B3GALT1: variants seen among roughly 807,000 people sequenced by gnomAD.
B3GALT1 encodes beta-1,3-galactosyltransferase 1, also known as UDP-Gal:betaGlcNAc beta 1,3-galactosyltransferase, polypeptide 1.
In B3GALT1, 10 loss-of-function variants were observed where a neutral mutation model predicts 23.2. The ratio of observed to expected loss-of-function variants is 0.43; its 90% CI spans 0.27 to 0.73. The LOEUF is 0.73. Among genes scored for constraint, B3GALT1 ranks in the 30% least tolerant of loss-of-function variants. B3GALT1 has a pLI of 0.21. For missense variants in B3GALT1, 299 were observed against 405.4 expected, an observed-to-expected ratio of 0.74 and a Z score of 2.25; for synonymous variants, 156 against 141.5, an observed-to-expected ratio of 1.10 and a Z score of -0.73.
chr2:167,749,275 A>G (rs529385843), intron 3 of B3GALT1, among the ~76,000 whole-genome samples: 4 of 152,316 alleles, frequency 2.6e-5, no homozygotes, highest in Non-Finnish European at 4.4e-5. Flanking sequence ...GGTAACACTC[A>G]GGGAACTTTT....
chr2:167,560,926 G>A (rs1044844547), intron 2 of B3GALT1, among the ~76,000 whole-genome samples: 94 of 151,678 alleles, frequency 6.2e-4, no homozygotes, highest in African/African-American at 2.1e-3. Context: ...GGATACCCAG[G>A]AATTGAACTC....
chr2:167,534,616 G>T (rs1253173939), intron 2 of B3GALT1, among the ~76,000 whole-genome samples: 1 of 152,164 alleles, frequency 6.6e-6, no homozygotes, highest in African/African-American at 2.4e-5. Flanking sequence ...GCATCAAAAA[G>T]AGATCCCAAG....
intron 1 of B3GALT1, among the ~76,000 whole-genome samples, chr2:167,436,941 T>A (rs898016211): frequency 1.3e-5 from 2 of 152,206 alleles, no homozygotes; most frequent in Non-Finnish European, 2.9e-5. Context: ...AATGGGCAGC[T>A]GAGATATGTT....
In B3GALT1 at chr2:167,548,076, A is replaced by G. The variant is rs375257835; in HGVS notation, c.-410+57799A>G. 3.3e-5 allele frequency among the ~76,000 whole-genome samples: 5 copies of G among 152,326 alleles called. No homozygotes were observed. The East Asian group carries it at 9.6e-4, about 29-fold the overall frequency. ...TAAAGTCACTGGGCCCAGCTTCACC[A>G]GTCTGCTTTTACTCATGATAGAATT... On this transcript the variant is annotated intron_variant, in intron 2 of 4. Transcript: ENST00000392690.
At chr2:167,379,068 GT>G (rs767378524) in intron 1 of B3GALT1, among the ~76,000 whole-genome samples, 2 of 152,134 alleles carry the variant, frequency 1.3e-5, no homozygotes, top group Non-Finnish European at 2.9e-5. Context: ...AAGGAGAAAG[GT>G]TTAATTGACT....
chr2:167,710,926 A>G (rs1395480390), intron 3 of B3GALT1, among the ~76,000 whole-genome samples: 3 of 152,100 alleles, frequency 2.0e-5, no homozygotes, highest in Non-Finnish European at 2.9e-5. Context: ...CAATCTTTCA[A>G]GTGGATCAGA....
intron 2 of B3GALT1, among the ~76,000 whole-genome samples, chr2:167,515,940 C>A (rs1217521280): frequency 6.6e-6 from 1 of 152,090 alleles, no homozygotes; most frequent in African/African-American, 2.4e-5. Context: ...CCTAAATTTT[C>A]TAGGCCTATC....
At chr2:167,532,435 A>C (rs1683341217) in intron 2 of B3GALT1, among the ~76,000 whole-genome samples, 1 of 152,166 alleles carries the variant, frequency 6.6e-6, no homozygotes, top group Non-Finnish European at 1.5e-5. Flanking sequence ...TTATACATAG[A>C]TTCATTTTCT....
chr2:167,564,513 G>T (rs1025946883), intron 2 of B3GALT1, among the ~76,000 whole-genome samples: 1 of 152,158 alleles, frequency 6.6e-6, no homozygotes, highest in African/African-American at 2.4e-5. Flanking sequence ...AAGGCAGGAC[G>T]CCGGGAGGTG....
chr2:167,589,151 G>A (rs1574155071), intron 2 of B3GALT1, among the ~76,000 whole-genome samples: 1 of 151,948 alleles, frequency 6.6e-6, no homozygotes, highest in South Asian at 2.1e-4. Flanking sequence ...TCCTTATATT[G>A]CCCAGGTTGG....
chr2:167,352,322 A>T (rs4667532), intron 1 of B3GALT1, among the ~76,000 whole-genome samples: 123,231 of 147,626 alleles, frequency 0.83, 52,088 homozygotes, highest in East Asian at 0.95. Context: ...TTCTCTGCAT[A>T]ATCAATTTAT....
At position 167,714,573 on chromosome 2, in the gene B3GALT1, A is replaced by G. The variant is rs201555981; in HGVS notation, c.-352+67607A>G. ...TCAAGTGCATTAGGATCTTTTTCTAAAAGTTCAGATTTAAACTCTGTTTCA... is the reference window on the plus strand; with the variant it reads ...TCAAGTGCATTAGGATCTTTTTCTAGAAGTTCAGATTTAAACTCTGTTTCA... On this transcript the variant is annotated intron_variant, in intron 3 of 4. Transcript: ENST00000392690. The G allele has an allele frequency of 2.5e-4, 397 of 1,613,552 alleles. 2 individuals are homozygous for G. In the South Asian group the frequency reaches 2.9e-3, roughly 12 times the overall value.
chr2:167,863,632 T>TA (rs1690149286), intron 4 of B3GALT1, among the ~76,000 whole-genome samples: 1 of 152,236 alleles, frequency 6.6e-6, no homozygotes, highest in African/African-American at 2.4e-5. Flanking sequence ...AATGAATCTT[T>TA]AGAGTTCCGT....
chr2:167,351,722 A>G (rs540938183), intron 1 of B3GALT1, among the ~76,000 whole-genome samples: 4 of 152,308 alleles, frequency 2.6e-5, no homozygotes, highest in Non-Finnish European at 5.9e-5. Context: ...ACATTTGGAA[A>G]ATATGAAATG....
At chr2:167,812,280 A>C (rs909029974) in intron 3 of B3GALT1, among the ~76,000 whole-genome samples, 1 of 152,262 alleles carries the variant, frequency 6.6e-6, no homozygotes, top group African/African-American at 2.4e-5. Context: ...GACTCAGTCA[A>C]TATGTAAACT....
chr2:167,539,400 A>G (rs895603257), intron 2 of B3GALT1, among the ~76,000 whole-genome samples: 3 of 152,202 alleles, frequency 2.0e-5, no homozygotes, highest in Non-Finnish European at 4.4e-5. Context: ...GTAAAGTTAT[A>G]TACATCTAGC....
intron 1 of B3GALT1, among the ~76,000 whole-genome samples, chr2:167,351,349 TG>T (rs1480934195): frequency 6.6e-6 from 1 of 151,374 alleles, no homozygotes; most frequent in Non-Finnish European, 1.5e-5. Context: ...CTACTGGAGG[TG>T]TTTTTGTACA....
chr2:167,649,992 C>T (rs969984437), intron 3 of B3GALT1, among the ~76,000 whole-genome samples: 5 of 151,564 alleles, frequency 3.3e-5, no homozygotes, highest in African/African-American at 4.9e-5. Flanking sequence ...TTGTCTTTTT[C>T]GTGACCTTAG....
At chr2:167,849,889 CAAAA>C (rs34125080) in intron 4 of B3GALT1, among the ~76,000 whole-genome samples, 1 of 71,402 alleles carries the variant, frequency 1.4e-5, no homozygotes. Context: ...GACTCTGTCT[CAAAA>C]AAAAAAAAAA....
Sources: gnomAD v4.1 joint callset for allele counts (sites outside exome capture counted in the v4.1 genomes callset) on GRCh38, gnomAD v4.1.1 for gene constraint, MANE v1.5 for transcripts, NCBI Gene and HGNC (gene_info 2026-07-23, HGNC 2026-07-21) for gene names.